The following LDLRAD1 variants were observed in gnomAD, a reference collection of about 807,000 sequenced individuals.
LDLRAD1 encodes low density lipoprotein receptor class A domain containing 1.
Under a neutral mutation model 24.8 loss-of-function variants are expected in LDLRAD1, and 17 were observed. The observed-to-expected ratio is 0.69, with a 90% confidence interval of 0.47 to 1.03. The LOEUF is 1.03. LDLRAD1 is among the 50% of genes least tolerant of loss of function. The pLI, the probability that LDLRAD1 is intolerant of heterozygous loss-of-function variation, is 0.00. For missense variants in LDLRAD1, 277 were observed against 271.0 expected (o/e 1.02, Z -0.16); for synonymous variants, 103 against 108.2 (o/e 0.95, Z 0.30).
Position 54,010,412 on chromosome 1 carries a change from TGTAGAG to T in LDLRAD1, c.341-8_341-3del. 1 of 1,613,846 alleles carries T rather than the reference TGTAGAG, an allele frequency of 6.2e-7. No homozygotes were observed. Among genetic ancestry groups the T allele is most frequent in the South Asian group, 1.1e-5 (1 of 91,072 alleles). On this transcript the variant is annotated splice_region_variant and splice_polypyrimidine_tract_variant and intron_variant, in intron 4 of 5. Coordinates refer to ENST00000371360, the MANE Select transcript of LDLRAD1 (RefSeq NM_001010978.4). Reference sequence around the variant, plus strand: ...GGGGGAGGCTCTGGGGCACATCTCCTGTAGAGGTACAGAGGAGGCAGGAAGAAGTCC... The same window carrying T: ...GGGGGAGGCTCTGGGGCACATCTCCTGTACAGAGGAGGCAGGAAGAAGTCC...
intron 4 of LDLRAD1, 124 bp from the exon 5 acceptor site, chr1:54,010,534 G>T: frequency 1.1e-6 from 1 of 927,434 alleles, no homozygotes; most frequent in Non-Finnish European, 1.6e-6. Flanking sequence ...ATCCAGCCCA[G>T]AAGGGTGCAA....
intron 4 of LDLRAD1, 140 bp downstream of exon 4, chr1:54,012,003 G>A (rs573065173): frequency 1.8e-5 from 17 of 948,654 alleles, no homozygotes; most frequent in South Asian, 3.2e-5. Context: ...GGACCAGGTC[G>A]GGGCAGGTGT....
chr1:54,008,358 C>CTTCCAT lies in LDLRAD1; in HGVS notation c.*623_*624insATGGAA, dbSNP rs1359481955. 5.3e-5 allele frequency: 8 copies of CTTCCAT among 152,224 alleles called. No homozygotes were observed. The allele number at this position is 152,224 out of a possible 1,614,324, so 9.4% of individuals were successfully genotyped here. ...GGGGTAGGAAGTGGCATATGTTTCA[C>CTTCCAT]GTATGTGCCATCCATGAAGGCTAAA... On this transcript the variant is annotated 3_prime_UTR_variant, in exon 6 of 6. Transcript: ENST00000371360.
At chr1:54,014,485 C>T (rs748775124) in intron 2 of LDLRAD1, 121 bp from the exon 3 acceptor site, 22 of 957,812 alleles carry the variant, frequency 2.3e-5, no homozygotes, top group Non-Finnish European at 3.4e-5. Flanking sequence ...GTGAGCAGAG[C>T]AGGGATGGCT....
Position 54,017,399 on chromosome 1 carries a change from G to C in LDLRAD1, c.50C>G (p.Ser17Cys). ...QGENGYTAAE[S>C]KAHPGGEAGG... The stretch of plus-strand genomic sequence containing the variant: ...ACCTTCCCCTCCAGGGTGGGCTTTG[G>C]ATTCAGCAGCAGTGTAGCCATTCTC... Residue 17 changes from serine to cysteine, a missense_variant, in exon 2 of 6, where the codon TCC (serine) becomes TGC (cysteine). Physicochemically the swap from Ser to Cys is moderately radical, Grantham distance 112. Coordinates refer to ENST00000371360, the MANE Select transcript of LDLRAD1 (RefSeq NM_001010978.4). The C allele has an allele frequency of 6.2e-7, 1 of 1,603,886 alleles. No individual in the cohort carries two copies. The highest frequency in any genetic ancestry group is 8.5e-7 in the Non-Finnish European group (1 of 1,174,794).
intron 5 of LDLRAD1, among the ~76,000 whole-genome samples, chr1:54,009,419 A>T (rs1353218747): frequency 6.6e-6 from 1 of 152,050 alleles, no homozygotes; most frequent in East Asian, 1.9e-4. Flanking sequence ...AGACTGCAAT[A>T]TGAATGGGTG....
chr1:54,011,242 A>T (rs1162122206), intron 4 of LDLRAD1, among the ~76,000 whole-genome samples: 1 of 152,102 alleles, frequency 6.6e-6, no homozygotes, highest in Non-Finnish European at 1.5e-5. Context: ...TCATGGCAGA[A>T]ATTAAAGTGT....
At chr1:54,018,068 C>T in intron 1 of LDLRAD1, 24 bp downstream of exon 1, 1 of 1,602,554 alleles carries the variant, frequency 6.2e-7, no homozygotes, top group South Asian at 1.1e-5. Context: ...TTGGAGACAA[C>T]TCTCACCTGG....
intron 5 of LDLRAD1, among the ~76,000 whole-genome samples, chr1:54,009,650 T>A (rs911486597): frequency 1.3e-5 from 2 of 152,202 alleles, no homozygotes; most frequent in Non-Finnish European, 2.9e-5. Context: ...ATCAGCATGA[T>A]GTGAGTCCTG....
chr1:54,010,189 C>T, intron 5 of LDLRAD1, 93 bp downstream of exon 5: 1 of 1,440,214 alleles, frequency 6.9e-7, no homozygotes, highest in Non-Finnish European at 9.5e-7. Flanking sequence ...GGGAAGCATG[C>T]AAGGGGGAGC....
At chr1:54,014,141 T>C in intron 3 of LDLRAD1, 95 bp downstream of exon 3, 2 of 1,440,500 alleles carry the variant, frequency 1.4e-6, no homozygotes, top group Non-Finnish European at 1.9e-6. Flanking sequence ...AGTCACCTGG[T>C]GGAGAAGCCA....
Position 54,008,833 on chromosome 1 carries a change from AAGG to A in LDLRAD1, c.*146_*148del, listed in dbSNP as rs1310138753. 1 of 721,604 alleles carries A rather than the reference AAGG, an allele frequency of 1.4e-6. No individual in the cohort carries two copies. The highest frequency in any genetic ancestry group is 2.7e-5 in the East Asian group (1 of 37,138). 44.7% of individuals were successfully genotyped at this position (721,604 alleles called of 1,614,324 possible). A position where few individuals can be genotyped will look rare whatever the true frequency, so the allele number is the denominator to read the frequency against. ...TTCAAGCAGAGGCTGAACAACTTGA[AAGG>A]AGGAGAGAAAATTCCTATTCAGAAA... On this transcript the variant is annotated 3_prime_UTR_variant, in exon 6 of 6. Transcript: ENST00000371360.
rs1483203639 is a variant in LDLRAD1 at position 54,018,077 on chromosome 1, G to A, written c.21+15C>T. On this transcript the variant is annotated intron_variant, in intron 1 of 5. Transcript: ENST00000371360. The stretch of plus-strand genomic sequence containing the variant: ...TCTTACTTGGAGACAACTCTCACCT[G>A]GGGACAGCTCTCACCTGGGGGAAGA... 1.2e-6 allele frequency: 2 copies of A among 1,609,024 alleles called. No individual in the cohort carries two copies. The highest frequency in any genetic ancestry group is 4.5e-5 in the East Asian group (2 of 44,852).
chr1:54,012,517 C>T (rs1012295939), intron 3 of LDLRAD1, among the ~76,000 whole-genome samples: 1 of 152,204 alleles, frequency 6.6e-6, no homozygotes, highest in Non-Finnish European at 1.5e-5. Context: ...TCATAGCACA[C>T]ACCCCGTGGG....
chr1:54,015,737 C>A (rs1353335896), intron 2 of LDLRAD1, among the ~76,000 whole-genome samples: 3 of 151,346 alleles, frequency 2.0e-5, no homozygotes, highest in Non-Finnish European at 2.9e-5. Context: ...CTCACTGCAA[C>A]CTCTGCCTTC....
In LDLRAD1 at chr1:54,007,311, C is replaced by T. The variant is rs929707779; in HGVS notation, c.*1671G>A. On this transcript the variant is annotated 3_prime_UTR_variant, in exon 6 of 6. Transcript: ENST00000371360. ...AACTCAGAAAACTGATATGTAAAAC[C>T]AATTTTATTAATTTTTCAGTGGGGA... 2.6e-5 allele frequency: 4 copies of T among 152,084 alleles called. No homozygotes were observed. The highest frequency in any genetic ancestry group is 2.9e-5 in the Non-Finnish European group (2 of 68,034). 9.4% of individuals were successfully genotyped at this position (152,084 alleles called of 1,614,324 possible). A position where few individuals can be genotyped will look rare whatever the true frequency, so the allele number is the denominator to read the frequency against.
At position 54,014,506 on chromosome 1, in the gene LDLRAD1, A is replaced by G. The variant is rs1009298954; in HGVS notation, c.74-142T>C. 50 of 793,910 alleles carry G rather than the reference A, an allele frequency of 6.3e-5. No individual in the cohort carries two copies. In the African/African-American group the frequency reaches 7.5e-4, roughly 12 times the overall value. The allele number at this position is 793,910 out of a possible 1,614,324, so 49.2% of individuals were successfully genotyped here. ...AGAGCAGGGATGGCTTCCCTGGAGG[A>G]GCAGCTCCCAAGCCCTCCTTGATGC... is the stretch of plus-strand genomic sequence containing the variant. On this transcript the variant is annotated intron_variant, in intron 2 of 5. Coordinates refer to ENST00000371360, the MANE Select transcript of LDLRAD1 (RefSeq NM_001010978.4).
chr1:54,009,094 C>G lies in LDLRAD1; in HGVS notation c.506G>C (p.Arg169Pro). Residue 169 changes from arginine to proline, a missense_variant, in exon 6 of 6, where the codon CGC becomes CCC. By Grantham distance (103) the Arg-to-Pro change is moderately radical. Transcript: ENST00000371360. Reference protein sequence around the residue: ...VCPPCGPGWWRCPSTFFKYCD... With the variant: ...VCPPCGPGWWPCPSTFFKYCD... ...GTACTTGAAGAAGGTTGAAGGACAG[C>G]GCCACCACCCAGGGCCGCAGGGTGG... 1 of 1,613,900 alleles carries G rather than the reference C, an allele frequency of 6.2e-7. No homozygotes were observed. The highest frequency in any genetic ancestry group is 1.1e-5 in the South Asian group (1 of 91,074).
chr1:54,016,368 A>C (rs1442584770), intron 2 of LDLRAD1, among the ~76,000 whole-genome samples: 1 of 152,118 alleles, frequency 6.6e-6, no homozygotes, highest in Non-Finnish European at 1.5e-5. Flanking sequence ...GGGCAGGGAG[A>C]GGTGTCCTGA....
Sources: gnomAD v4.1 joint callset for allele counts (sites outside exome capture counted in the v4.1 genomes callset) on GRCh38, gnomAD v4.1.1 for gene constraint, MANE v1.5 for transcripts, NCBI Gene and HGNC (gene_info 2026-07-23, HGNC 2026-07-21) for gene names.